Variants in PCDH15 observed in about 807,000 individuals in gnomAD.
PCDH15 encodes the protein protocadherin-15.
PCDH15 carries 129 observed loss-of-function variants against 178.5 expected under a neutral mutation model. The ratio of observed to expected loss-of-function variants is 0.72; its 90% CI spans 0.63 to 0.84. The LOEUF (loss-of-function observed/expected upper bound fraction) is 0.84. PCDH15 is among the 40% of genes least tolerant of loss of function. PCDH15 has a pLI of 0.00. For synonymous variants in PCDH15, 800 were observed against 732.0 expected (o/e 1.09, Z -1.50); for missense variants, 2,230 against 2,099.9 (o/e 1.06, Z -1.21).
intron 3 of PCDH15, among the ~76,000 whole-genome samples, chr10:54,509,477 C>T (rs2081455410): frequency 6.6e-6 from 1 of 152,088 alleles, no homozygotes; most frequent in Admixed American, 6.6e-5. Flanking sequence ...TCTGAATTCA[C>T]AGTGTTCTTT....
chr10:53,842,633 A>C (rs1296080182), intron 28 of PCDH15, among the ~76,000 whole-genome samples: 1 of 152,220 alleles, frequency 6.6e-6, no homozygotes, highest in African/African-American at 2.4e-5. Flanking sequence ...CACAGTTCCT[A>C]GCACATAGTA....
At chr10:55,066,389 A>T (rs1591873065) in intron 2 of PCDH15, among the ~76,000 whole-genome samples, 1 of 149,222 alleles carries the variant, frequency 6.7e-6, no homozygotes, top group African/African-American at 2.4e-5. Context: ...AGTAACATTT[A>T]TTTTTTTTTA....
chr10:54,610,602 C>G (rs545081901), intron 2 of PCDH15, among the ~76,000 whole-genome samples: 1 of 151,976 alleles, frequency 6.6e-6, no homozygotes, highest in South Asian at 2.1e-4. Context: ...CTTTTCTCTC[C>G]TGCTTTCTAT....
chr10:55,332,668 T>C (rs890441310), intron 2 of PCDH15, among the ~76,000 whole-genome samples: 3 of 152,176 alleles, frequency 2.0e-5, no homozygotes, highest in African/African-American at 4.8e-5. Flanking sequence ...CAGTGGGAGA[T>C]AATTGAATCA....
intron 2 of PCDH15, among the ~76,000 whole-genome samples, chr10:55,393,924 T>C (rs1397946960): frequency 5.3e-5 from 8 of 152,182 alleles, no homozygotes; most frequent in African/African-American, 1.9e-4. Flanking sequence ...ATGGGATACA[T>C]GTTACATATA....
At chr10:55,466,390 T>C (rs1317326763) in intron 2 of PCDH15, among the ~76,000 whole-genome samples, 1 of 152,162 alleles carries the variant, frequency 6.6e-6, no homozygotes, top group African/African-American at 2.4e-5. Flanking sequence ...AGCAGAAATA[T>C]TATGTGATGA....
At chr10:54,898,814 G>T (rs936574525) in intron 2 of PCDH15, among the ~76,000 whole-genome samples, 1 of 152,148 alleles carries the variant, frequency 6.6e-6, no homozygotes, top group African/African-American at 2.4e-5. Flanking sequence ...CATAGTTTCA[G>T]TATATCATGT....
At chr10:53,966,709 A>C (rs2134370640) in intron 21 of PCDH15, among the ~76,000 whole-genome samples, 1 of 152,150 alleles carries the variant, frequency 6.6e-6, no homozygotes, top group East Asian at 1.9e-4. Context: ...ATTATGAATT[A>C]GCATTTATTA....
chr10:54,352,609 G>C (rs1944353147), intron 5 of PCDH15, among the ~76,000 whole-genome samples: 1 of 152,102 alleles, frequency 6.6e-6, no homozygotes, highest in African/African-American at 2.4e-5. Context: ...GGGGTGGCAG[G>C]TGCTCTATTT....
chr10:54,363,764 A>G, intron 5 of PCDH15, among the ~76,000 whole-genome samples: 1 of 152,198 alleles, frequency 6.6e-6, no homozygotes, highest in East Asian at 1.9e-4. Context: ...CTACCAAAAC[A>G]TGAGAGTATA....
At chr10:53,960,926 G>T (rs1444583429) in intron 22 of PCDH15, among the ~76,000 whole-genome samples, 1 of 152,264 alleles carries the variant, frequency 6.6e-6, no homozygotes, top group South Asian at 2.1e-4. Context: ...TAATAAAATT[G>T]TCTACTTATG....
chr10:54,876,974 G>A (rs1469014258), intron 3 of PCDH15, among the ~76,000 whole-genome samples: 1 of 152,076 alleles, frequency 6.6e-6, no homozygotes, highest in African/African-American at 2.4e-5. Context: ...TTGAAAGGAA[G>A]AATCAATCAA....
chr10:54,997,084 G>T (rs1564700584), intron 2 of PCDH15, among the ~76,000 whole-genome samples: 1 of 142,856 alleles, frequency 7.0e-6, no homozygotes, highest in Non-Finnish European at 1.5e-5. Context: ...ACTCCAGCCT[G>T]AGCAACAAAG....
intron 6 of PCDH15, among the ~76,000 whole-genome samples, 154 bp from the exon 7 acceptor site, chr10:54,329,860 T>C (rs1939074602): frequency 6.6e-6 from 1 of 151,994 alleles, no homozygotes; most frequent in Non-Finnish European, 1.5e-5. Context: ...ATTGTTATCA[T>C]ACTTCCAAAC....
chr10:53,845,708 CA>C (rs1323981624), intron 28 of PCDH15, among the ~76,000 whole-genome samples: 3 of 151,446 alleles, frequency 2.0e-5, no homozygotes, highest in Non-Finnish European at 4.4e-5. Flanking sequence ...TGGTGCTTAC[CA>C]GAGGCTGAGA....
In PCDH15 at chr10:54,101,843, T is replaced by C. The variant is rs948902040; in HGVS notation, c.1918-11780A>G. On this transcript the variant is annotated intron_variant, in intron 15 of 37. Coordinates refer to ENST00000644397, the MANE Select transcript of PCDH15 (RefSeq NM_001384140.1). ...TAAGAAAATTAGCTGTGTGTGGTGT[T>C]GTGCAACTGTAGTCTCAGCTACTTG... Among the ~76,000 whole-genome samples, 21 of 152,006 alleles carry C rather than the reference T, an allele frequency of 1.4e-4. 1 individual carries two copies. The highest frequency in any genetic ancestry group is 2.9e-5 in the Non-Finnish European group (2 of 67,998).
At chr10:55,621,439 T>G (rs147509240) in intron 2 of PCDH15, among the ~76,000 whole-genome samples, 1 of 152,188 alleles carries the variant, frequency 6.6e-6, no homozygotes, top group African/African-American at 2.4e-5. Flanking sequence ...ACCAGTTACC[T>G]GTTCATGGCC....
chr10:54,507,329 A>G (rs1304471670), intron 3 of PCDH15, among the ~76,000 whole-genome samples: 1 of 151,288 alleles, frequency 6.6e-6, no homozygotes. Context: ...ATACATATAT[A>G]ATTTATACAA....
intron 20 of PCDH15, among the ~76,000 whole-genome samples, chr10:54,002,783 A>G (rs2092222862): frequency 6.6e-6 from 1 of 151,954 alleles, no homozygotes; most frequent in South Asian, 2.1e-4. Context: ...AAGGATTCAA[A>G]GTTAACCACT....
Sources: allele counts gnomAD v4.1 joint callset (sites outside exome capture counted in the v4.1 genomes callset), GRCh38; gene constraint gnomAD v4.1.1; transcripts MANE v1.5; gene names NCBI Gene and HGNC (gene_info 2026-07-23, HGNC 2026-07-21).